Variants in RNF130 observed in about 807,000 individuals in gnomAD.
The protein encoded by RNF130 is E3 ubiquitin-protein ligase RNF130.
RNF130 carries 21 observed loss-of-function variants against 44.6 expected under a neutral mutation model. The ratio of observed to expected loss-of-function variants is 0.47; its 90% confidence interval spans 0.33 to 0.68. RNF130 has a LOEUF of 0.68. Among genes scored for constraint, RNF130 ranks in the 30% least tolerant of loss-of-function variants. The probability of loss-of-function intolerance (pLI) is 0.02; values close to 1 mark genes in which losing one functional copy is unlikely to be tolerated. For missense variants in RNF130, 479 were observed against 560.6 expected, an observed-to-expected ratio of 0.85 and a Z score of 1.47; for synonymous variants, 214 against 210.4, an observed-to-expected ratio of 1.02 and a Z score of -0.15.
chr5:180,055,978 G>A (rs912741991), intron 1 of RNF130, among the ~76,000 whole-genome samples: 1 of 152,012 alleles, frequency 6.6e-6, no homozygotes, highest in Non-Finnish European at 1.5e-5. Context: ...CAGCTACTCG[G>A]GAGGCTGAGG....
At chr5:179,939,052 G>A (rs1419555189) in intron 7 of RNF130, among the ~76,000 whole-genome samples, 2 of 151,968 alleles carry the variant, frequency 1.3e-5, no homozygotes, top group Non-Finnish European at 2.9e-5. Context: ...AACATGGTGA[G>A]ACCCCATCTC....
At chr5:179,998,082 C>T (rs374505311) in intron 3 of RNF130, among the ~76,000 whole-genome samples, 5 of 149,756 alleles carry the variant, frequency 3.3e-5, no homozygotes, top group African/African-American at 4.9e-5. Context: ...CCTCGTGATC[C>T]GCCACCTTGG....
intron 5 of RNF130, among the ~76,000 whole-genome samples, chr5:179,972,761 A>G (rs1762614276): frequency 6.6e-6 from 1 of 152,186 alleles, no homozygotes; most frequent in Admixed American, 6.5e-5. Context: ...TCCAGAAAGA[A>G]CCAAATGGTA....
intron 7 of RNF130, among the ~76,000 whole-genome samples, chr5:179,925,062 C>G (rs1157607381): frequency 6.6e-6 from 1 of 152,156 alleles, no homozygotes; most frequent in East Asian, 1.9e-4. Context: ...TGGTTTTTAT[C>G]CGGGCTTCCT....
chr5:179,924,355 C>T (rs746855583), intron 7 of RNF130, among the ~76,000 whole-genome samples: 22 of 151,764 alleles, frequency 1.4e-4, no homozygotes, highest in Admixed American at 2.6e-4. Context: ...ATTAGCCAGA[C>T]ATGGTGGCGC....
chr5:179,917,733 G>A (rs563106398), exon 8 of RNF130: 1 of 152,338 alleles, frequency 6.6e-6, no homozygotes, highest in African/African-American at 2.4e-5. Flanking sequence ...TGGGCATGGT[G>A]GCTCACAACT....
At chr5:180,002,165 G>A (rs750870652) in intron 3 of RNF130, among the ~76,000 whole-genome samples, 5 of 152,230 alleles carry the variant, frequency 3.3e-5, no homozygotes, top group Non-Finnish European at 4.4e-5. Flanking sequence ...GAGGCGTGGC[G>A]CTGCTTCAAC....
intron 7 of RNF130, among the ~76,000 whole-genome samples, chr5:179,930,255 A>G (rs1010210684): frequency 6.6e-6 from 1 of 151,994 alleles, no homozygotes; most frequent in South Asian, 2.1e-4. Flanking sequence ...ATGGGGTTTC[A>G]CCACGTTGGT....
chr5:179,948,646 G>A (rs1379428387), intron 7 of RNF130, among the ~76,000 whole-genome samples: 1 of 152,110 alleles, frequency 6.6e-6, no homozygotes, highest in East Asian at 1.9e-4. Flanking sequence ...ATTCCAGCCT[G>A]GATGATAGAT....
At chr5:179,985,674 C>T (rs1762937782) in intron 3 of RNF130, among the ~76,000 whole-genome samples, 1 of 152,156 alleles carries the variant, frequency 6.6e-6, no homozygotes, top group South Asian at 2.1e-4. Flanking sequence ...TAAAAACCGG[C>T]AGATGGTATT....
chr5:179,976,615 T>C (rs968238571), intron 5 of RNF130, among the ~76,000 whole-genome samples: 1 of 152,218 alleles, frequency 6.6e-6, no homozygotes, highest in African/African-American at 2.4e-5. Context: ...GATTTTCCTT[T>C]ATATGTAAAC....
chr5:179,914,270 C>A (rs1469317262), exon 8 of RNF130: 1 of 152,274 alleles, frequency 6.6e-6, no homozygotes, highest in Non-Finnish European at 1.5e-5. Context: ...TGCGATGAGT[C>A]CTTACTCATC....
At chr5:180,031,983 T>C (rs751927995) in intron 2 of RNF130, among the ~76,000 whole-genome samples, 1 of 152,204 alleles carries the variant, frequency 6.6e-6, no homozygotes, top group Non-Finnish European at 1.5e-5. Flanking sequence ...GTTGCACTGT[T>C]GTTTTGATTG....
At chr5:180,016,747 C>A (rs1424580830) in intron 2 of RNF130, among the ~76,000 whole-genome samples, 1 of 152,226 alleles carries the variant, frequency 6.6e-6, no homozygotes, top group Admixed American at 6.5e-5. Context: ...ACCCATAGAG[C>A]AGTTCCAATA....
At chr5:179,975,145 C>A (rs540934779) in intron 5 of RNF130, among the ~76,000 whole-genome samples, 40 of 152,198 alleles carry the variant, frequency 2.6e-4, no homozygotes, top group Non-Finnish European at 4.3e-4. Flanking sequence ...GTACAGAAAG[C>A]CACAGCAGGT....
chr5:180,050,478 T>C (rs1161607701), intron 1 of RNF130, among the ~76,000 whole-genome samples: 1 of 152,198 alleles, frequency 6.6e-6, no homozygotes, highest in Non-Finnish European at 1.5e-5. Flanking sequence ...GTTAACCTCG[T>C]CCAAAACCAC....
At chr5:180,066,693 C>T (rs111872107) in intron 1 of RNF130, among the ~76,000 whole-genome samples, 12,757 of 151,936 alleles carry the variant, frequency 0.084, 731 homozygotes, top group East Asian at 0.21. Context: ...AAAAATTAGC[C>T]GTGCTTGGTG....
intron 2 of RNF130, among the ~76,000 whole-genome samples, chr5:180,032,887 G>A (rs1764162371): frequency 6.6e-6 from 1 of 151,976 alleles, no homozygotes; most frequent in African/African-American, 2.4e-5. Context: ...CATACCACAA[G>A]GAATTTATAT....
exon 8 of RNF130, chr5:179,913,420 G>A (rs1761496853): frequency 6.6e-6 from 1 of 151,876 alleles, no homozygotes. Flanking sequence ...GAAGAAAACA[G>A]GAAAAAAATA....
Sources: gnomAD v4.1 joint callset for allele counts (sites outside exome capture counted in the v4.1 genomes callset) on GRCh38, gnomAD v4.1.1 for gene constraint, MANE v1.5 for transcripts, NCBI Gene and HGNC (gene_info 2026-07-23, HGNC 2026-07-21) for gene names.